CYP7B1: variants seen among roughly 807,000 people sequenced by gnomAD.
The protein encoded by CYP7B1 is cytochrome P450 7B1.
A neutral mutation model predicts 42.7 loss-of-function variants in CYP7B1; 29 were observed. That is an observed-to-expected ratio of 0.68 (90% confidence interval 0.51 to 0.93). The LOEUF is 0.93. Ranked by LOEUF, CYP7B1 falls within the 40% of genes least tolerant of loss-of-function variation. CYP7B1 has a pLI of 0.00. For missense variants in CYP7B1, 655 were observed against 600.5 expected (o/e 1.09, Z -0.95); for synonymous variants, 235 against 218.2 (o/e 1.08, Z -0.68).
chr8:64,588,122 C>T (rs1393945682), downstream of CYP7B1, among the ~76,000 whole-genome samples: 1 of 152,094 alleles, frequency 6.6e-6, no homozygotes, highest in Non-Finnish European at 1.5e-5. Context: ...CATATATGCA[C>T]ATATAAGAAC....
intron 1 of CYP7B1, among the ~76,000 whole-genome samples, chr8:64,696,960 G>T (rs1563395513): frequency 6.6e-6 from 1 of 152,142 alleles, no homozygotes; most frequent in Non-Finnish European, 1.5e-5. Flanking sequence ...AATAAATGAT[G>T]ACAAAGCAGT....
intron 1 of CYP7B1, among the ~76,000 whole-genome samples, chr8:64,782,807 A>G (rs1219030124): frequency 3.3e-5 from 5 of 152,152 alleles, no homozygotes; most frequent in Admixed American, 3.3e-4. Flanking sequence ...GGTTATTTTG[A>G]ATGAAATACA....
intron 1 of CYP7B1, among the ~76,000 whole-genome samples, chr8:64,703,379 C>T (rs1806946488): frequency 6.6e-6 from 1 of 152,026 alleles, no homozygotes; most frequent in South Asian, 2.1e-4. Context: ...TGATATTCTA[C>T]TCTTCTTATA....
chr8:64,668,593 T>C (rs995865447), intron 1 of CYP7B1, among the ~76,000 whole-genome samples: 9 of 152,038 alleles, frequency 5.9e-5, no homozygotes, highest in African/African-American at 2.2e-4. Context: ...ATGCCTCCTA[T>C]AATGGATTGG....
intron 1 of CYP7B1, among the ~76,000 whole-genome samples, chr8:64,643,368 TAA>T (rs1805897372): frequency 6.6e-6 from 1 of 152,048 alleles, no homozygotes. Context: ...TCTAGTCCAT[TAA>T]GTGTGCAATA....
At position 64,592,794 on chromosome 8, in the gene CYP7B1, G is replaced by A. The variant is rs1000183591; in HGVS notation, c.*3848C>T. Among the ~76,000 whole-genome samples, 1 of 152,172 alleles carries A rather than the reference G, an allele frequency of 6.6e-6. No homozygotes were observed. The highest frequency in any genetic ancestry group is 2.4e-5 in the African/African-American group (1 of 41,440). ...ATTATTTTATTTTTCAAATGAGGAC[G>A]TTGAAGCTCTGAGACGGAAATTGTT... is the stretch of plus-strand genomic sequence containing the variant. On this transcript the variant is annotated 3_prime_UTR_variant, in exon 6 of 6. Transcript: ENST00000310193.
At chr8:64,702,458 T>A (rs928301366) in intron 1 of CYP7B1, among the ~76,000 whole-genome samples, 1 of 152,098 alleles carries the variant, frequency 6.6e-6, no homozygotes, top group Admixed American at 6.6e-5. Flanking sequence ...AAATATGTTT[T>A]TTCACATCTT....
At chr8:64,671,034 C>T (rs72505492) in intron 1 of CYP7B1, among the ~76,000 whole-genome samples, 3 of 151,908 alleles carry the variant, frequency 2.0e-5, no homozygotes, top group East Asian at 1.9e-4. Flanking sequence ...ATGTAATAAG[C>T]GAAAAGGTAA....
intron 1 of CYP7B1, among the ~76,000 whole-genome samples, chr8:64,715,154 G>A (rs1807135843): frequency 6.6e-6 from 1 of 152,180 alleles, no homozygotes; most frequent in South Asian, 2.1e-4. Flanking sequence ...CAATTTGTTT[G>A]TTAAGATGTT....
At chr8:64,650,472 A>AC (rs752590618) in intron 1 of CYP7B1, among the ~76,000 whole-genome samples, 15 of 151,896 alleles carry the variant, frequency 9.9e-5, no homozygotes, top group East Asian at 1.9e-4. Context: ...AAATGATGAG[A>AC]CCCCGTCTCT....
At chr8:64,678,078 T>A (rs1014322212) in intron 1 of CYP7B1, among the ~76,000 whole-genome samples, 1 of 152,146 alleles carries the variant, frequency 6.6e-6, no homozygotes, top group African/African-American at 2.4e-5. Flanking sequence ...AAACGGGCTG[T>A]CCTAAGCTCT....
chr8:64,630,500 T>G (rs1003101370), intron 1 of CYP7B1, among the ~76,000 whole-genome samples: 3 of 152,268 alleles, frequency 2.0e-5, no homozygotes, highest in Non-Finnish European at 4.4e-5. Context: ...TTCCTTGCTA[T>G]TCATATTTTG....
chr8:64,726,165 C>G (rs1034758449), intron 1 of CYP7B1, among the ~76,000 whole-genome samples: 1 of 151,986 alleles, frequency 6.6e-6, no homozygotes, highest in South Asian at 2.1e-4. Flanking sequence ...TTCTTCTACC[C>G]CTCTGATCTT....
At chr8:64,713,969 G>C (rs1361495512) in intron 1 of CYP7B1, among the ~76,000 whole-genome samples, 1 of 152,208 alleles carries the variant, frequency 6.6e-6, no homozygotes, top group Non-Finnish European at 1.5e-5. Context: ...TTTGCAGGTA[G>C]TAACTCATAT....
chr8:64,668,588 TC>T (rs1364983635), intron 1 of CYP7B1, among the ~76,000 whole-genome samples: 1 of 151,994 alleles, frequency 6.6e-6, no homozygotes, highest in Non-Finnish European at 1.5e-5. Flanking sequence ...GATACATGCC[TC>T]CTATAATGGA....
At chr8:64,757,199 G>T (rs1385955007) in intron 1 of CYP7B1, among the ~76,000 whole-genome samples, 1 of 152,198 alleles carries the variant, frequency 6.6e-6, no homozygotes, top group Non-Finnish European at 1.5e-5. Context: ...CAGCTCAACT[G>T]CTCTGTAGCA....
intron 1 of CYP7B1, among the ~76,000 whole-genome samples, chr8:64,746,722 T>A (rs1407012951): frequency 1.3e-5 from 2 of 152,184 alleles, no homozygotes; most frequent in African/African-American, 4.8e-5. Context: ...TTGTTACTAT[T>A]ATTTACCATT....
At chr8:64,722,681 G>A (rs1231142188) in intron 1 of CYP7B1, among the ~76,000 whole-genome samples, 9 of 126,344 alleles carry the variant, frequency 7.1e-5, no homozygotes, top group Admixed American at 4.1e-4. Context: ...CTGGGATCTC[G>A]TAGTATAAAA....
chr8:64,761,360 C>T (rs574160869), intron 1 of CYP7B1, among the ~76,000 whole-genome samples: 25 of 151,880 alleles, frequency 1.6e-4, no homozygotes, highest in Admixed American at 3.9e-4. Context: ...AAATTGTTAA[C>T]GTGAACTGAT....
Sources: gnomAD v4.1 joint callset for allele counts (sites outside exome capture counted in the v4.1 genomes callset) on GRCh38, gnomAD v4.1.1 for gene constraint, MANE v1.5 for transcripts, NCBI Gene and HGNC (gene_info 2026-07-23, HGNC 2026-07-21) for gene names.